Variants in SORCS2 observed in about 807,000 individuals in gnomAD.
The protein encoded by SORCS2 is VPS10 domain-containing receptor SorCS2.
In SORCS2, 100 loss-of-function variants were observed where a neutral mutation model predicts 141.6. The ratio of observed to expected loss-of-function variants is 0.71; its 90% CI spans 0.60 to 0.83. The LOEUF (loss-of-function observed/expected upper bound fraction) is 0.83. Ranked by LOEUF, SORCS2 falls within the 40% of genes least tolerant of loss-of-function variation. The pLI is 0.00. For missense variants in SORCS2, 1,646 were observed against 1,560.2 expected (o/e 1.05, Z -0.93); for synonymous variants, 789 against 676.9 (o/e 1.17, Z -2.57).
At chr4:7,198,883 C>T (rs906192943) in intron 1 of SORCS2, among the ~76,000 whole-genome samples, 5 of 152,134 alleles carry the variant, frequency 3.3e-5, no homozygotes, top group Non-Finnish European at 7.4e-5. Context: ...CACAGGCTCG[C>T]ACGGTGACCC....
intron 2 of SORCS2, among the ~76,000 whole-genome samples, chr4:7,476,920 C>T (rs57145354): frequency 6.6e-6 from 1 of 152,214 alleles, no homozygotes; most frequent in African/African-American, 2.4e-5. Flanking sequence ...GCTATGTGGT[C>T]TAAGAAACTC....
intron 9 of SORCS2, among the ~76,000 whole-genome samples, chr4:7,678,437 C>T (rs955823706): frequency 6.7e-6 from 1 of 148,298 alleles, no homozygotes; most frequent in Admixed American, 6.8e-5. Context: ...AACTCTGGAG[C>T]CTGACTGCCC....
rs552378426 is a variant in SORCS2, at chr4:7,410,809, T to A, written c.548+14454T>A. Among the ~76,000 whole-genome samples the A allele has an allele frequency of 7.5e-4, 114 of 152,084 alleles. 1 individual carries two copies. Among genetic ancestry groups the A allele is most frequent in the African/African-American group, 2.6e-3 (109 of 41,436 alleles). On this transcript the variant is annotated intron_variant, in intron 2 of 26. Transcript: ENST00000507866. ...AATAATTCACTGTGAATCAATGATT[T>A]GATGAGGTTAGGCTCTGAGGCCTTG...
chr4:7,380,867 C>T (rs947802339), intron 1 of SORCS2, among the ~76,000 whole-genome samples: 6 of 152,304 alleles, frequency 3.9e-5, no homozygotes, highest in East Asian at 3.9e-4. Context: ...GGGCAGATCA[C>T]GATGTTGAGA....
At chr4:7,254,610 AACAAAATTGC>A (rs1191669886) in intron 1 of SORCS2, among the ~76,000 whole-genome samples, 2 of 152,212 alleles carry the variant, frequency 1.3e-5, no homozygotes, top group Non-Finnish European at 2.9e-5. Flanking sequence ...CTATGTGTAT[AACAAAATTGC>A]ACATGTGCCC....
rs1722400914 is a variant in SORCS2, at chr4:7,664,796, C to G, written c.1071+325C>G. 6.6e-6 allele frequency among the ~76,000 whole-genome samples: 1 copy of G among 152,212 alleles called. No individual in the cohort carries two copies. The highest frequency in any genetic ancestry group is 2.4e-5 in the African/African-American group (1 of 41,460). ...TCAGTGACTTTGGAACTGACCAGGA[C>G]TGCTTCTGGTCCCGGCTCTTGGCCA... On this transcript the variant is annotated intron_variant, in intron 7 of 26. Coordinates refer to ENST00000507866, the MANE Select transcript of SORCS2 (RefSeq NM_020777.3). This position sits in a 1 kb window ranked among gnomAD's most constrained non-coding sequence, Gnocchi z 4.7.
In SORCS2 at chr4:7,676,119, AC is replaced by A. The variant is rs949651661; in HGVS notation, c.1233del (p.Tyr412ThrfsTer40). The A allele has an allele frequency of 6.3e-7, 1 of 1,583,620 alleles. No individual in the cohort carries two copies. Among genetic ancestry groups the A allele is most frequent in the African/African-American group, 1.3e-5 (1 of 74,276 alleles). ...VAVQEWYQMD[T>X]YNLYQSDPRG... The stretch of plus-strand genomic sequence containing the variant: ...GGTGCAGGAGTGGTACCAGATGGAC[AC>A]CTACAACCTGTACCAGTCGGACCCA... On this transcript the variant is annotated frameshift_variant, in exon 9 of 27. Transcript: ENST00000507866. LOFTEE classifies it high-confidence loss of function.
At position 7,201,050 on chromosome 4, in the gene SORCS2, GT is replaced by G. The variant is rs1727459073; in HGVS notation, c.480+7927del. On this transcript the variant is annotated intron_variant, in intron 1 of 26. Coordinates refer to ENST00000507866, the MANE Select transcript of SORCS2 (RefSeq NM_020777.3). The surrounding 1 kb of genome is among the most constrained non-coding windows in gnomAD (Gnocchi z 4.4). ...AACTTGGCCCCTGCGCGGGTGAAAT[GT>G]TTGGTCTGGACAGGAATTCACCCCA... Among the ~76,000 whole-genome samples, 1 of 152,168 alleles carries G rather than the reference GT, an allele frequency of 6.6e-6. No individual in the cohort carries two copies. Among genetic ancestry groups the G allele is most frequent in the Admixed American group, 6.5e-5 (1 of 15,282 alleles).
At chr4:7,248,242 G>C (rs1169628278) in intron 1 of SORCS2, among the ~76,000 whole-genome samples, 1 of 152,222 alleles carries the variant, frequency 6.6e-6, no homozygotes, top group Admixed American at 6.5e-5. Context: ...CAGCTGAGAG[G>C]CTGTGTGTGG....
At chr4:7,732,401 T>C (rs1225460528) in intron 23 of SORCS2, among the ~76,000 whole-genome samples, 1 of 151,970 alleles carries the variant, frequency 6.6e-6, no homozygotes, top group Non-Finnish European at 1.5e-5. Flanking sequence ...GTGAGAGGGG[T>C]GAGGAGGAAG....
At chr4:7,264,446 C>T (rs959400632) in intron 1 of SORCS2, among the ~76,000 whole-genome samples, 7 of 152,128 alleles carry the variant, frequency 4.6e-5, no homozygotes, top group African/African-American at 1.2e-4. Flanking sequence ...TTAGGTGTCC[C>T]CCAAAGCACC....
chr4:7,279,366 A>T (rs370758448), intron 1 of SORCS2, among the ~76,000 whole-genome samples: 1 of 152,250 alleles, frequency 6.6e-6, no homozygotes. Context: ...CAGCCAAAGT[A>T]ATAAGGAAAA....
At chr4:7,671,070 C>T (rs1362622369) in intron 8 of SORCS2, among the ~76,000 whole-genome samples, 6 of 152,158 alleles carry the variant, frequency 3.9e-5, no homozygotes, top group South Asian at 2.1e-4. Flanking sequence ...AGAAAATCAG[C>T]AGGCATGCCC....
chr4:7,470,386 T>TCCTTCCATCCATCCATCC (rs33913266), intron 2 of SORCS2, among the ~76,000 whole-genome samples: 1 of 151,888 alleles, frequency 6.6e-6, no homozygotes, highest in Non-Finnish European at 1.5e-5. Context: ...TCCATCCATC[T>TCCTTCCATCCATCCATCC]ATCCTTCCAT....
intron 2 of SORCS2, among the ~76,000 whole-genome samples, chr4:7,470,610 C>G (rs1271519845): frequency 1.3e-5 from 2 of 149,596 alleles, no homozygotes; most frequent in Admixed American, 1.3e-4. Context: ...CTTGGAGAGA[C>G]ACAGGTGATG....
intron 3 of SORCS2, among the ~76,000 whole-genome samples, chr4:7,557,130 G>A (rs1382324451): frequency 6.6e-6 from 1 of 152,154 alleles, no homozygotes; most frequent in Non-Finnish European, 1.5e-5. Flanking sequence ...GGCAGTTGTT[G>A]TCACAATGCA....
chr4:7,713,369 G>C (rs1725957078), intron 15 of SORCS2, among the ~76,000 whole-genome samples: 1 of 152,102 alleles, frequency 6.6e-6, no homozygotes, highest in Non-Finnish European at 1.5e-5. Flanking sequence ...GGGAAGCCTG[G>C]GATTTCAGAG....
intron 2 of SORCS2, among the ~76,000 whole-genome samples, chr4:7,446,197 A>G (rs80307563): frequency 0.24 from 36,519 of 151,232 alleles, 5,093 homozygotes; most frequent in East Asian, 0.6. Flanking sequence ...GAGGGGAGGG[A>G]AGAAAAGAAC....
intron 2 of SORCS2, among the ~76,000 whole-genome samples, chr4:7,458,463 G>C (rs1729065919): frequency 6.6e-6 from 1 of 152,152 alleles, no homozygotes; most frequent in African/African-American, 2.4e-5. Flanking sequence ...AAACCGTGGA[G>C]AATTCCCCCA....
Sources: gnomAD v4.1 joint callset for allele counts (sites outside exome capture counted in the v4.1 genomes callset) on GRCh38, gnomAD v4.1.1 for gene constraint, Gnocchi (gnomAD v3.1) non-coding constraint, MANE v1.5 for transcripts, NCBI Gene and HGNC (gene_info 2026-07-23, HGNC 2026-07-21) for gene names.